Variants in RBMS3 observed in about 807,000 individuals in gnomAD.
The protein encoded by RBMS3 is RNA-binding motif, single-stranded-interacting protein 3.
Under a neutral mutation model 66.8 loss-of-function variants are expected in RBMS3, and 27 were observed. The ratio of observed to expected loss-of-function variants is 0.40; its 90% CI spans 0.30 to 0.56. The LOEUF (loss-of-function observed/expected upper bound fraction) is 0.56, where lower values mean the gene tolerates loss of function less well. RBMS3 is among the 20% of genes least tolerant of loss of function. The pLI is 0.40. For synonymous variants in RBMS3, 188 were observed against 183.0 expected, an observed-to-expected ratio of 1.03 and a Z score of -0.22; for missense variants, 513 against 549.5, an observed-to-expected ratio of 0.93 and a Z score of 0.66.
At chr3:29,413,195 C>G (rs2040340716) in intron 1 of RBMS3, among the ~76,000 whole-genome samples, 1 of 152,048 alleles carries the variant, frequency 6.6e-6, no homozygotes. Flanking sequence ...ATGGTGAAAC[C>G]CTGTCTCTAT....
At chr3:29,846,194 A>C (rs2058771445) in intron 6 of RBMS3, among the ~76,000 whole-genome samples, 1 of 152,196 alleles carries the variant, frequency 6.6e-6, no homozygotes, top group Non-Finnish European at 1.5e-5. Context: ...ATCTTTATAA[A>C]GAATGGTTCC....
chr3:30,006,174 A>G lies in RBMS3; in HGVS notation c.*2312A>G, dbSNP rs1210444644. On this transcript the variant is annotated 3_prime_UTR_variant, in exon 15 of 15. Transcript: ENST00000383767. ...CTGTCTTAGTCCAAAAGAAGCAGGGAAATGTATTTAAGTGTACTATAAAAC... is the reference window on the plus strand; with the variant it reads ...CTGTCTTAGTCCAAAAGAAGCAGGGGAATGTATTTAAGTGTACTATAAAAC... 6.6e-6 allele frequency: 1 copy of G among 151,896 alleles called. No individual in the cohort carries two copies. Among genetic ancestry groups the G allele is most frequent in the Non-Finnish European group, 1.5e-5 (1 of 67,834 alleles). The allele number at this position is 151,896 out of a possible 1,614,324, so 9.4% of individuals were successfully genotyped here.
At chr3:29,689,463 C>A (rs2051879288) in intron 4 of RBMS3, among the ~76,000 whole-genome samples, 1 of 151,966 alleles carries the variant, frequency 6.6e-6, no homozygotes, top group African/African-American at 2.4e-5. Context: ...ATTGGGCTGA[C>A]AAAGCAGTAG....
At chr3:29,523,334 G>A (rs2044941795) in intron 3 of RBMS3, among the ~76,000 whole-genome samples, 1 of 152,078 alleles carries the variant, frequency 6.6e-6, no homozygotes, top group African/African-American at 2.4e-5. Context: ...TGTTGTAGTT[G>A]CTTAGAATCT....
chr3:29,893,466 A>T (rs1341821146), intron 8 of RBMS3, among the ~76,000 whole-genome samples: 2 of 151,462 alleles, frequency 1.3e-5, no homozygotes, highest in Non-Finnish European at 3.0e-5. Flanking sequence ...CTAAAATGTA[A>T]TGTGTGGTTT....
At chr3:29,409,371 C>T (rs62236868) in intron 1 of RBMS3, among the ~76,000 whole-genome samples, 18,588 of 152,068 alleles carry the variant, frequency 0.12, 1,222 homozygotes, top group South Asian at 0.17. Context: ...CAGAGTCTCT[C>T]CATGTGGCCT....
At chr3:29,885,064 T>C (rs1302863866) in intron 8 of RBMS3, among the ~76,000 whole-genome samples, 2 of 151,920 alleles carry the variant, frequency 1.3e-5, no homozygotes, top group Non-Finnish European at 2.9e-5. Context: ...AGTATTTAAA[T>C]AATTACCTCT....
intron 1 of RBMS3, among the ~76,000 whole-genome samples, chr3:29,293,258 G>A (rs1337811960): frequency 6.9e-6 from 1 of 144,714 alleles, no homozygotes; most frequent in Non-Finnish European, 1.5e-5. Flanking sequence ...ATATAACCAG[G>A]AGCAATGTTG....
intron 5 of RBMS3, among the ~76,000 whole-genome samples, chr3:29,754,514 G>A (rs2055322343): frequency 6.6e-6 from 1 of 152,196 alleles, no homozygotes; most frequent in African/African-American, 2.4e-5. Context: ...GCTGACTCCA[G>A]TGAGGTCAGA....
At chr3:29,966,699 A>T (rs1696869987) in intron 12 of RBMS3, among the ~76,000 whole-genome samples, 1 of 152,022 alleles carries the variant, frequency 6.6e-6, no homozygotes, top group Non-Finnish European at 1.5e-5. Flanking sequence ...CTCTTGTCTG[A>T]TTGCTCTGGC....
chr3:29,918,437 A>C (rs1559798918), intron 10 of RBMS3, among the ~76,000 whole-genome samples: 1 of 152,126 alleles, frequency 6.6e-6, no homozygotes, highest in Non-Finnish European at 1.5e-5. Flanking sequence ...TCATAATTTA[A>C]TTCTTTGTGT....
chr3:29,567,414 A>C (rs1009146898), intron 3 of RBMS3, among the ~76,000 whole-genome samples: 1 of 152,146 alleles, frequency 6.6e-6, no homozygotes, highest in African/African-American at 2.4e-5. Flanking sequence ...ACTCATGCTT[A>C]CTTACTGATT....
At chr3:29,313,723 C>T (rs2034514571) in intron 1 of RBMS3, among the ~76,000 whole-genome samples, 1 of 151,734 alleles carries the variant, frequency 6.6e-6, no homozygotes, top group African/African-American at 2.4e-5. Context: ...ATGATGCTTA[C>T]TAGAGGACAG....
At chr3:29,999,572 G>T (rs1286330106) in intron 14 of RBMS3, among the ~76,000 whole-genome samples, 1 of 152,174 alleles carries the variant, frequency 6.6e-6, no homozygotes, top group African/African-American at 2.4e-5. Flanking sequence ...GGAATACTAT[G>T]CAGCCACAAA....
intron 6 of RBMS3, among the ~76,000 whole-genome samples, chr3:29,809,957 T>C: frequency 1.3e-5 from 2 of 152,226 alleles, no homozygotes; most frequent in East Asian, 3.9e-4. Flanking sequence ...ATTAGATGTT[T>C]TCAAATTTTG....
At chr3:29,930,835 A>G (rs1416545769) in intron 10 of RBMS3, among the ~76,000 whole-genome samples, 3 of 152,106 alleles carry the variant, frequency 2.0e-5, no homozygotes, top group Non-Finnish European at 4.4e-5. Context: ...GATGTCATTA[A>G]TGCGCATGTG....
In RBMS3 at chr3:29,561,777, G is replaced by A. The variant is rs548967225; in HGVS notation, c.308-25337G>A. 2.1e-3 allele frequency among the ~76,000 whole-genome samples: 316 copies of A among 152,168 alleles called. 1 individual carries two copies. Among genetic ancestry groups the A allele is most frequent in the Non-Finnish European group, 2.8e-3 (191 of 67,990 alleles). On this transcript the variant is annotated intron_variant, in intron 3 of 14. Transcript: ENST00000383767. ...TTGACTTTTTAATAGTAGATATTCT[G>A]ACTGGTATTAGATGGTGTGGTTTTG...
chr3:30,001,677 G>A (rs1699615201), intron 14 of RBMS3, among the ~76,000 whole-genome samples: 1 of 151,716 alleles, frequency 6.6e-6, no homozygotes, highest in Non-Finnish European at 1.5e-5. Flanking sequence ...ATAATATATT[G>A]TAATAATACA....
At chr3:29,857,211 G>C (rs1026503265) in intron 6 of RBMS3, among the ~76,000 whole-genome samples, 1 of 152,084 alleles carries the variant, frequency 6.6e-6, no homozygotes, top group Non-Finnish European at 1.5e-5. Context: ...TATATGCTTA[G>C]GAACAGCATG....
Sources: gnomAD v4.1 joint callset for allele counts (sites outside exome capture counted in the v4.1 genomes callset) on GRCh38, gnomAD v4.1.1 for gene constraint, MANE v1.5 for transcripts, NCBI Gene and HGNC (gene_info 2026-07-23, HGNC 2026-07-21) for gene names.